SHISA7: variants seen among roughly 807,000 people sequenced by gnomAD.
SHISA7 encodes protein shisa-7.
A neutral mutation model predicts 23.9 loss-of-function variants in SHISA7; 6 were observed. That is an observed-to-expected ratio of 0.25 (90% CI 0.14 to 0.50). SHISA7 has a LOEUF of 0.50. Among genes scored for constraint, SHISA7 ranks in the 20% least tolerant of loss-of-function variants. The pLI, the probability that SHISA7 is intolerant of heterozygous loss-of-function variation, is 0.98. For missense variants in SHISA7, 671 were observed against 801.1 expected, an observed-to-expected ratio of 0.84 and a Z score of 1.96; for synonymous variants, 386 against 398.3, an observed-to-expected ratio of 0.97 and a Z score of 0.37.
At position 55,442,946 on chromosome 19, in the gene SHISA7, G is replaced by C; in HGVS notation, c.-83C>G. 1 of 817,488 alleles carries C rather than the reference G, an allele frequency of 1.2e-6. No homozygotes were observed. Among genetic ancestry groups the C allele is most frequent in the Non-Finnish European group, 1.5e-6 (1 of 667,084 alleles). 50.6% of individuals were successfully genotyped at this position (817,488 alleles called of 1,614,324 possible). A position where few individuals can be genotyped will look rare whatever the true frequency, so the allele number is the denominator to read the frequency against. ...TTGGAGCGCTGGGCGGGAGAGAAACGGTCAGAGGGTGAGAAACGTAGAGAT... is the reference window on the plus strand; with the variant it reads ...TTGGAGCGCTGGGCGGGAGAGAAACCGTCAGAGGGTGAGAAACGTAGAGAT... On this transcript the variant is annotated 5_prime_UTR_variant, in exon 1 of 4. Transcript: ENST00000376325.
At chr19:55,436,317 CAAAA>C (rs1985457696) in intron 3 of SHISA7, among the ~76,000 whole-genome samples, 1 of 150,308 alleles carries the variant, frequency 6.7e-6, no homozygotes, top group African/African-American at 2.4e-5. Context: ...TGAAACAAAA[CAAAA>C]AACGCCGGGC....
In SHISA7 at chr19:55,428,993, G is replaced by A. The variant is rs1380781832; in HGVS notation, c.*4163C>T. ...TGTGTGTGTGCTTGTGTATGCATGG[G>A]TTTGTGTGCATTTGCATTTGTTGGG... On this transcript the variant is annotated 3_prime_UTR_variant, in exon 4 of 4. Coordinates refer to ENST00000376325, the MANE Select transcript of SHISA7 (RefSeq NM_001145176.2). The A allele has an allele frequency of 6.6e-6, 1 of 152,444 alleles. No individual in the cohort carries two copies. Among genetic ancestry groups the A allele is most frequent in the South Asian group, 2.1e-4 (1 of 4,832 alleles). 9.4% of individuals were successfully genotyped at this position (152,444 alleles called of 1,614,324 possible).
intron 3 of SHISA7, among the ~76,000 whole-genome samples, chr19:55,434,740 ATATGTGGTG>A (rs1378079927): frequency 2.6e-5 from 1 of 38,266 alleles, no homozygotes; most frequent in African/African-American, 1.1e-4. Context: ...TGTGTGGTGT[ATATGTGGTG>A]TGTGTGGTGT....
rs887913378 is a variant in SHISA7, at chr19:55,433,636, G to A, written c.1137C>T (p.Asn379=). The A allele has an allele frequency of 7.6e-5, 113 of 1,490,062 alleles. No individual in the cohort carries two copies. Among genetic ancestry groups the A allele is most frequent in the Non-Finnish European group, 9.8e-5 (110 of 1,127,286 alleles). The allele number at this position is 1,490,062 out of a possible 1,614,324, so 92.3% of individuals were successfully genotyped here. A position where few individuals can be genotyped will look rare whatever the true frequency, so the allele number is the denominator to read the frequency against. Reference sequence around the variant, plus strand: ...GCTCCTGGGACATGACCCGCCGGGGGTTGGGCGCGGGCGCCAGGCCCAGCT... The same window carrying A: ...GCTCCTGGGACATGACCCGCCGGGGATTGGGCGCGGGCGCCAGGCCCAGCT... ...PEELGLAPAP[N]PRRVMSQEHL... Residue 379 remains asparagine, a synonymous_variant, in exon 4 of 4, where the codon AAC becomes AAT. Coordinates refer to ENST00000376325, the MANE Select transcript of SHISA7 (RefSeq NM_001145176.2). This position sits in a 1 kb window ranked among gnomAD's most constrained non-coding sequence, Gnocchi z 8.4.
At chr19:55,438,307 T>C (rs1386335992) in intron 2 of SHISA7, among the ~76,000 whole-genome samples, 2 of 152,206 alleles carry the variant, frequency 1.3e-5, no homozygotes, top group Non-Finnish European at 2.9e-5. Flanking sequence ...AGGGGGGTAC[T>C]GGGCATTTGT....
At chr19:55,441,632 A>G (rs984287253) in intron 1 of SHISA7, among the ~76,000 whole-genome samples, 7 of 152,024 alleles carry the variant, frequency 4.6e-5, no homozygotes, top group African/African-American at 1.4e-4. Flanking sequence ...CTTTCCGCTG[A>G]TTTTCTTCAC....
rs1337982997 is a variant in SHISA7 at position 55,443,029 on chromosome 19, A to C, written c.-166T>G. 6.6e-6 allele frequency among the ~76,000 whole-genome samples: 1 copy of C among 150,546 alleles called. No individual in the cohort carries two copies. The highest frequency in any genetic ancestry group is 2.5e-5 in the African/African-American group (1 of 40,778). On this transcript the variant is annotated 5_prime_UTR_variant, in exon 1 of 4. Coordinates refer to ENST00000376325, the MANE Select transcript of SHISA7 (RefSeq NM_001145176.2). ...GGGGCGGCAGAGTGTGGGGAGCAAC[A>C]GGCGCCAGGAGGCAGGAAGGGCGGA...
intron 2 of SHISA7, among the ~76,000 whole-genome samples, chr19:55,438,017 C>T (rs75102636): frequency 0.022 from 3,092 of 143,626 alleles, 172 homozygotes; most frequent in African/African-American, 0.079. Context: ...CCCCTCCTCC[C>T]TCAGACCCAG....
At position 55,437,658 on chromosome 19, in the gene SHISA7, T is replaced by C. The variant is rs1226578578; in HGVS notation, c.923A>G (p.Tyr308Cys). 6.4e-7 allele frequency: 1 copy of C among 1,551,302 alleles called. No individual in the cohort carries two copies. ...CAGCTCGGATTTCACGGCAGCCTCG[T>C]AGGACGGGGGCAGATGCGAGAGGTT... ...FHNLSHLPPSYEAAVKSELNR... is the reference protein window; with the variant it reads ...FHNLSHLPPSCEAAVKSELNR... The change falls in exon 3 of 4, where the codon TAC (tyrosine) becomes TGC (cysteine). Residue 308 changes from tyrosine (Y) to cysteine (C), a missense_variant. By Grantham distance (194) the Tyr-to-Cys change is radical. This residue lies in a region of SHISA7 where 457 missense variants were observed against 488.3 expected (regional missense o/e 0.94). Transcript: ENST00000376325.
intron 3 of SHISA7, among the ~76,000 whole-genome samples, chr19:55,436,511 G>C (rs1336673430): frequency 6.6e-6 from 1 of 151,648 alleles, no homozygotes; most frequent in Non-Finnish European, 1.5e-5. Flanking sequence ...GCTAAGGCAG[G>C]AGAATCACTT....
chr19:55,440,894 GC>G, intron 1 of SHISA7, 129 bp from the exon 2 acceptor site: 2 of 894,914 alleles, frequency 2.2e-6, no homozygotes, highest in Non-Finnish European at 2.9e-6. Flanking sequence ...TTCGCCATTG[GC>G]CACGCCCCTT....
chr19:55,442,908 A>G lies in SHISA7; in HGVS notation c.-45T>C. On this transcript the variant is annotated 5_prime_UTR_variant, in exon 1 of 4. Coordinates refer to ENST00000376325, the MANE Select transcript of SHISA7 (RefSeq NM_001145176.2). ...ACTGGGCCGCCAGGCTGCGGGGAGA[A>G]CGAGAGCAGAGGTTGGAGCGCTGGG... 1.8e-6 allele frequency: 2 copies of G among 1,126,172 alleles called. No homozygotes were observed. Among genetic ancestry groups the G allele is most frequent in the Non-Finnish European group, 2.2e-6 (2 of 913,920 alleles). 69.8% of individuals were successfully genotyped at this position (1,126,172 alleles called of 1,614,324 possible). A position where few individuals can be genotyped will look rare whatever the true frequency, so the allele number is the denominator to read the frequency against.
chr19:55,437,175 G>A (rs994804968), intron 3 of SHISA7, among the ~76,000 whole-genome samples: 18 of 152,176 alleles, frequency 1.2e-4, no homozygotes, highest in African/African-American at 4.3e-4. Context: ...AACATCTGCA[G>A]GGTGGTCGTT....
chr19:55,434,679 GGTGT>G (rs566670805), intron 3 of SHISA7, among the ~76,000 whole-genome samples: 11 of 126,754 alleles, frequency 8.7e-5, no homozygotes, highest in Admixed American at 3.2e-4. Context: ...TATGGTGTGT[GGTGT>G]GTGTGTATGG....
intron 3 of SHISA7, among the ~76,000 whole-genome samples, chr19:55,436,299 AAAC>A (rs1985457402): frequency 6.6e-6 from 1 of 151,066 alleles, no homozygotes; most frequent in African/African-American, 2.4e-5. Flanking sequence ...AAAAAACAAA[AAAC>A]AAAATGAAAC....
At chr19:55,440,365 C>T (rs1480335733) in intron 2 of SHISA7, among the ~76,000 whole-genome samples, 2 of 152,236 alleles carry the variant, frequency 1.3e-5, no homozygotes, top group Non-Finnish European at 2.9e-5. Flanking sequence ...AAACCTACAT[C>T]ACCAAGGTGC....
intron 1 of SHISA7, among the ~76,000 whole-genome samples, chr19:55,441,804 GA>G (rs1217534097): frequency 1.3e-5 from 2 of 152,210 alleles, no homozygotes; most frequent in Non-Finnish European, 2.9e-5. Context: ...GGAAACTGAG[GA>G]ACAGAGACGT....
In SHISA7 at chr19:55,433,020, C is replaced by T. The variant is rs940320027; in HGVS notation, c.*136G>A. The T allele has an allele frequency of 1.6e-4, 179 of 1,090,768 alleles. No homozygotes were observed. The highest frequency in any genetic ancestry group is 2.0e-4 in the Non-Finnish European group (160 of 811,788). 67.6% of individuals were successfully genotyped at this position (1,090,768 alleles called of 1,614,324 possible). A position where few individuals can be genotyped will look rare whatever the true frequency, so the allele number is the denominator to read the frequency against. ...GGAGGAATCTTGTCTGCCAGGACAT[C>T]CCAGAAGGAGGCTTTCACTCCTGTC... is the stretch of plus-strand genomic sequence containing the variant. On this transcript the variant is annotated 3_prime_UTR_variant, in exon 4 of 4. Transcript: ENST00000376325. This position sits in a 1 kb window ranked among gnomAD's most constrained non-coding sequence, Gnocchi z 8.4.
chr19:55,432,999 G>A lies in SHISA7; in HGVS notation c.*157C>T. ...TCAAGCAGTGAAGTAATAGGAGGAG[G>A]AATCTTGTCTGCCAGGACATCCCAG... is the stretch of plus-strand genomic sequence containing the variant. On this transcript the variant is annotated 3_prime_UTR_variant, in exon 4 of 4. Transcript: ENST00000376325. This position sits in a 1 kb window ranked among gnomAD's most constrained non-coding sequence, Gnocchi z 4.6. 1 of 898,860 alleles carries A rather than the reference G, an allele frequency of 1.1e-6. No individual in the cohort carries two copies. The highest frequency in any genetic ancestry group is 1.6e-6 in the Non-Finnish European group (1 of 636,064). 55.7% of individuals were successfully genotyped at this position (898,860 alleles called of 1,614,324 possible).
Sources: gnomAD v4.1 joint callset for allele counts (sites outside exome capture counted in the v4.1 genomes callset) on GRCh38, gnomAD v4.1.1 for gene constraint, gnomAD v4.1.1 regional missense constraint, Gnocchi (gnomAD v3.1) non-coding constraint, MANE v1.5 for transcripts, NCBI Gene and HGNC (gene_info 2026-07-23, HGNC 2026-07-21) for gene names.